DOCK4: variants seen among roughly 807,000 people sequenced by gnomAD.
DOCK4 encodes the protein dedicator of cytokinesis 4.
In DOCK4, 97 loss-of-function variants were observed where a neutral mutation model predicts 268.1. The ratio of observed to expected loss-of-function variants is 0.36; its 90% CI spans 0.31 to 0.43. The LOEUF (loss-of-function observed/expected upper bound fraction) is 0.43, where lower values mean the gene tolerates loss of function less well. Among genes scored for constraint, DOCK4 ranks in the 20% least tolerant of loss-of-function variants. The pLI is 1.00. For missense variants in DOCK4, 2,145 were observed against 2,455.7 expected (o/e 0.87, Z 2.67); for synonymous variants, 954 against 887.2 (o/e 1.08, Z -1.34).
intron 49 of DOCK4, among the ~76,000 whole-genome samples, chr7:111,737,354 G>C (rs1444686482): frequency 3.3e-5 from 5 of 151,872 alleles, no homozygotes; most frequent in Admixed American, 6.6e-5. Context: ...TTGAATGCCT[G>C]GGCTCAAGCA....
At chr7:112,135,996 T>A (rs1814308565) in intron 1 of DOCK4, among the ~76,000 whole-genome samples, 1 of 152,124 alleles carries the variant, frequency 6.6e-6, no homozygotes, top group African/African-American at 2.4e-5. Flanking sequence ...TTGGCAACCA[T>A]CAAGAGCTAA....
chr7:111,924,755 T>A (rs1340771639), intron 12 of DOCK4, among the ~76,000 whole-genome samples: 2 of 152,110 alleles, frequency 1.3e-5, no homozygotes, highest in East Asian at 3.9e-4. Flanking sequence ...ATTTCATTTT[T>A]AAAAATAAAT....
intron 27 of DOCK4, chr7:111,820,519 AG>A (rs1164818365): frequency 6.6e-6 from 1 of 152,222 alleles, no homozygotes; most frequent in Admixed American, 6.5e-5. Flanking sequence ...AATTCTGAAC[AG>A]TGTGTGTTTA....
At chr7:112,012,202 A>G (rs964395752) in intron 1 of DOCK4, among the ~76,000 whole-genome samples, 4 of 152,212 alleles carry the variant, frequency 2.6e-5, no homozygotes, top group Non-Finnish European at 4.4e-5. Flanking sequence ...CCTTCCATTT[A>G]TAATAGTAAA....
chr7:111,969,134 G>A (rs1026566399), intron 8 of DOCK4, among the ~76,000 whole-genome samples: 6 of 126,660 alleles, frequency 4.7e-5, no homozygotes, highest in Admixed American at 1.6e-4. Flanking sequence ...TGGGTGCAGC[G>A]CACCAGCATG....
rs1278417077 is a variant in DOCK4, at chr7:111,769,697, A to G, written c.3680-20T>C. ...CAGCTTCTGCAAGTCACGTGAGAAG[A>G]CAATGATTGAGACAGGACCCCAAGC... On this transcript the variant is annotated intron_variant, in intron 36 of 52. Coordinates refer to ENST00000428084, the MANE Select transcript of DOCK4 (RefSeq NM_001363540.2). 6.2e-7 allele frequency: 1 copy of G among 1,609,242 alleles called. No homozygotes were observed. The highest frequency in any genetic ancestry group is 1.1e-5 in the South Asian group (1 of 90,628).
At chr7:112,074,567 G>A (rs1313151170) in intron 1 of DOCK4, among the ~76,000 whole-genome samples, 1 of 152,156 alleles carries the variant, frequency 6.6e-6, no homozygotes, top group African/African-American at 2.4e-5. Context: ...GCAAGGCTGA[G>A]AAGGAAGAAG....
chr7:111,887,767 T>A (rs1336707112), intron 16 of DOCK4, among the ~76,000 whole-genome samples: 1 of 147,660 alleles, frequency 6.8e-6, no homozygotes, highest in Non-Finnish European at 1.5e-5. Flanking sequence ...AAAAAATTAT[T>A]AAAAAAAAAA....
chr7:111,889,280 T>A (rs1302274879), intron 16 of DOCK4, among the ~76,000 whole-genome samples: 1 of 152,170 alleles, frequency 6.6e-6, no homozygotes. Context: ...AATTCTTCTA[T>A]ACCAAAGCCT....
intron 39 of DOCK4, among the ~76,000 whole-genome samples, chr7:111,764,619 CTT>C (rs945172181): frequency 1.3e-5 from 2 of 152,120 alleles, no homozygotes. Context: ...AAAGTTTTCT[CTT>C]TGTAGAAATG....
intron 8 of DOCK4, among the ~76,000 whole-genome samples, chr7:111,949,443 C>T (rs1242277895): frequency 6.6e-6 from 1 of 152,118 alleles, no homozygotes; most frequent in Non-Finnish European, 1.5e-5. Context: ...CACTAGTTTA[C>T]ACAGAATCCT....
intron 28 of DOCK4, among the ~76,000 whole-genome samples, chr7:111,809,851 C>T (rs1800955569): frequency 6.6e-6 from 1 of 152,166 alleles, no homozygotes; most frequent in African/African-American, 2.4e-5. Flanking sequence ...AATGCATACA[C>T]TTCTTCAGAT....
chr7:112,043,849 T>C (rs1324966045), intron 1 of DOCK4, among the ~76,000 whole-genome samples: 1 of 152,014 alleles, frequency 6.6e-6, no homozygotes, highest in African/African-American at 2.4e-5. Context: ...GAGGAAGCAA[T>C]TGGAAGACTT....
chr7:112,065,447 A>G (rs1806833726), intron 1 of DOCK4, among the ~76,000 whole-genome samples: 1 of 151,586 alleles, frequency 6.6e-6, no homozygotes, highest in Non-Finnish European at 1.5e-5. Flanking sequence ...TTTAATTATT[A>G]TTTTTATTTA....
chr7:111,817,027 G>C (rs1013296453), intron 27 of DOCK4, among the ~76,000 whole-genome samples: 20 of 152,102 alleles, frequency 1.3e-4, no homozygotes, highest in Admixed American at 3.9e-4. Flanking sequence ...TACTCCACTG[G>C]GCAGTACTGG....
chr7:111,975,178 A>C (rs1034669633), intron 8 of DOCK4, among the ~76,000 whole-genome samples: 1 of 152,184 alleles, frequency 6.6e-6, no homozygotes. Flanking sequence ...GAGGCACAAG[A>C]ATCACTTGAA....
At chr7:111,752,711 CA>C (rs1378112130) in intron 42 of DOCK4, among the ~76,000 whole-genome samples, 61 of 151,070 alleles carry the variant, frequency 4.0e-4, no homozygotes, top group Middle Eastern at 3.4e-3. Context: ...CTCAGCCTCC[CA>C]AGTAGCTGGG....
At chr7:112,054,128 C>A (rs967938970) in intron 1 of DOCK4, among the ~76,000 whole-genome samples, 3 of 152,004 alleles carry the variant, frequency 2.0e-5, no homozygotes, top group Non-Finnish European at 4.4e-5. Flanking sequence ...TCAAGACCAG[C>A]CTGGGCAACA....
chr7:112,105,555 A>T (rs1310174369), intron 1 of DOCK4, among the ~76,000 whole-genome samples: 2 of 132,272 alleles, frequency 1.5e-5, no homozygotes, highest in Non-Finnish European at 3.1e-5. Context: ...GCAAGGAACT[A>T]AAGACAACAA....
Sources: allele counts gnomAD v4.1 joint callset (sites outside exome capture counted in the v4.1 genomes callset), GRCh38; gene constraint gnomAD v4.1.1; transcripts MANE v1.5; gene names NCBI Gene and HGNC (gene_info 2026-07-23, HGNC 2026-07-21).